Variants in SHANK2 observed in about 807,000 individuals in gnomAD.
SHANK2 encodes SH3 and multiple ankyrin repeat domains 2.
A neutral mutation model predicts 133.7 loss-of-function variants in SHANK2; 43 were observed. The ratio of observed to expected loss-of-function variants is 0.32; its 90% CI spans 0.25 to 0.41. SHANK2 has a LOEUF of 0.41. SHANK2 is among the 10% of genes least tolerant of loss of function. The pLI is 1.00. For missense variants in SHANK2, 1,994 were observed against 2,235.8 expected, an observed-to-expected ratio of 0.89 and a Z score of 2.18; for synonymous variants, 1,017 against 952.8, an observed-to-expected ratio of 1.07 and a Z score of -1.24.
intron 15 of SHANK2, 111 bp from the exon 16 acceptor site, chr11:70,661,789 C>A (rs553829535): frequency 8.1e-6 from 13 of 1,613,410 alleles, no homozygotes; most frequent in Non-Finnish European, 1.0e-5. Context: ...CACCCCAGCT[C>A]GCCAGATCCA....
chr11:70,908,450 G>A (rs955346768), intron 10 of SHANK2, among the ~76,000 whole-genome samples: 10 of 152,328 alleles, frequency 6.6e-5, no homozygotes, highest in South Asian at 4.1e-4. Context: ...AACAGACTCC[G>A]CCTGTGCATG....
intron 9 of SHANK2, among the ~76,000 whole-genome samples, chr11:71,072,611 C>T (rs1363321562): frequency 3.3e-5 from 5 of 152,164 alleles, no homozygotes; most frequent in Admixed American, 6.5e-5. Context: ...GCATTATCCA[C>T]GACACTCAAA....
chr11:70,812,150 C>T (rs1948293839), intron 12 of SHANK2, among the ~76,000 whole-genome samples: 1 of 152,252 alleles, frequency 6.6e-6, no homozygotes, highest in South Asian at 2.1e-4. Context: ...GTGCGTGTCA[C>T]TTGACAGAGA....
chr11:71,181,716 G>A (rs992151601), intron 2 of SHANK2, among the ~76,000 whole-genome samples: 4 of 152,020 alleles, frequency 2.6e-5, no homozygotes, highest in African/African-American at 9.7e-5. Context: ...ATGCATAACG[G>A]AACCAGGACA....
intron 10 of SHANK2, among the ~76,000 whole-genome samples, chr11:70,935,677 C>A (rs758788334): frequency 8.5e-5 from 13 of 152,148 alleles, no homozygotes; most frequent in Non-Finnish European, 1.8e-4. Flanking sequence ...ATGTGCCGGG[C>A]CCCGAGTGGG....
At chr11:70,509,292 C>T (rs1303082491) in intron 17 of SHANK2, among the ~76,000 whole-genome samples, 1 of 152,264 alleles carries the variant, frequency 6.6e-6, no homozygotes, top group African/African-American at 2.4e-5. Context: ...CATGCAGTGG[C>T]ACAGGTCTCC....
At chr11:71,190,955 G>A (rs1243472986) in intron 2 of SHANK2, among the ~76,000 whole-genome samples, 3 of 152,038 alleles carry the variant, frequency 2.0e-5, no homozygotes, top group Non-Finnish European at 4.4e-5. Flanking sequence ...CCCATGCAAT[G>A]GGAGAAAGGG....
intron 2 of SHANK2, among the ~76,000 whole-genome samples, chr11:71,217,955 A>G (rs1555120285): frequency 6.6e-6 from 1 of 152,090 alleles, no homozygotes; most frequent in East Asian, 1.9e-4. Flanking sequence ...GGTTCACACC[A>G]TTATCCTGCC....
At chr11:70,662,050 G>A (rs1413015907) in intron 15 of SHANK2, 5 of 504,156 alleles carry the variant, frequency 9.9e-6, no homozygotes, top group Non-Finnish European at 7.2e-6. Flanking sequence ...GGCGGCGGCG[G>A]CAGCGGCGGC....
chr11:71,108,119 C>T (rs1255540437), intron 6 of SHANK2, among the ~76,000 whole-genome samples: 2 of 152,200 alleles, frequency 1.3e-5, no homozygotes, highest in Non-Finnish European at 2.9e-5. Context: ...CTGGATGTGC[C>T]CCAAGGCTCA....
intron 14 of SHANK2, among the ~76,000 whole-genome samples, chr11:70,711,176 T>C (rs1274162821): frequency 1.3e-5 from 2 of 152,176 alleles, no homozygotes; most frequent in African/African-American, 4.8e-5. Flanking sequence ...AGGACTTCCG[T>C]GTCATCCTGG....
At chr11:70,581,846 G>A (rs1336752283) in intron 17 of SHANK2, among the ~76,000 whole-genome samples, 1 of 152,256 alleles carries the variant, frequency 6.6e-6, no homozygotes, top group Non-Finnish European at 1.5e-5. Context: ...TGAGCTGTGT[G>A]AGCGGTATGG....
chr11:71,092,002 C>T (rs143551072), intron 8 of SHANK2, among the ~76,000 whole-genome samples: 126 of 152,334 alleles, frequency 8.3e-4, no homozygotes, highest in African/African-American at 2.8e-3. Flanking sequence ...GCCCCTCGTG[C>T]GTGCAAATCA....
intron 17 of SHANK2, among the ~76,000 whole-genome samples, chr11:70,581,056 G>C (rs1554985325): frequency 1.3e-5 from 2 of 152,194 alleles, no homozygotes; most frequent in African/African-American, 4.8e-5. Flanking sequence ...CCAGGGAGGG[G>C]GGATGCCAGA....
chr11:70,486,873 C>T lies in SHANK2; in HGVS notation c.3420G>A (p.Gln1140=). The T allele has an allele frequency of 3.7e-6, 6 of 1,612,772 alleles. No homozygotes were observed. The highest frequency in any genetic ancestry group is 5.1e-6 in the Non-Finnish European group (6 of 1,179,934). The part of the protein sequence containing the change: ...GDFADEDSAE[Q]LSSPMPSATP... ...TGGCACTCGGCATGGGGGATGACAG[C>T]TGCTCAGCGCTGTCCTCGTCAGCAA... The change falls in exon 25 of 26, where the codon CAG becomes CAA. Residue 1140 remains glutamine (Q), a synonymous_variant. Coordinates refer to ENST00000601538, the MANE Select transcript of SHANK2 (RefSeq NM_012309.5). The surrounding 1 kb of genome is among the most constrained non-coding windows in gnomAD (Gnocchi z 8.0).
At chr11:70,541,256 G>A (rs1030769260) in intron 17 of SHANK2, among the ~76,000 whole-genome samples, 26 of 152,174 alleles carry the variant, frequency 1.7e-4, no homozygotes, top group African/African-American at 5.8e-4. Context: ...CACTTAAGCT[G>A]GCCCTTTCAC....
chr11:70,655,813 A>T (rs1342222615), intron 17 of SHANK2, among the ~76,000 whole-genome samples: 3 of 152,148 alleles, frequency 2.0e-5, no homozygotes, highest in Non-Finnish European at 4.4e-5. Context: ...TGGAATGTCA[A>T]CTTGCACTGG....
chr11:70,720,841 C>T (rs1946061337), intron 14 of SHANK2, among the ~76,000 whole-genome samples: 2 of 152,238 alleles, frequency 1.3e-5, no homozygotes, highest in African/African-American at 4.8e-5. Context: ...GCAAACACAT[C>T]TTCACACACA....
intron 14 of SHANK2, among the ~76,000 whole-genome samples, chr11:70,757,760 G>A (rs1356044245): frequency 6.6e-6 from 1 of 152,090 alleles, no homozygotes; most frequent in Non-Finnish European, 1.5e-5. Context: ...ACTCTATATC[G>A]AGTCCTGCGA....
Sources: allele counts gnomAD v4.1 joint callset (sites outside exome capture counted in the v4.1 genomes callset), GRCh38; gene constraint gnomAD v4.1.1; non-coding constraint Gnocchi (gnomAD v3.1); transcripts MANE v1.5; gene names NCBI Gene and HGNC (gene_info 2026-07-23, HGNC 2026-07-21).